RNF157: variants seen among roughly 807,000 people sequenced by gnomAD.
RNF157 encodes E3 ubiquitin ligase RNF157.
RNF157 carries 55 observed loss-of-function variants against 88.3 expected under a neutral mutation model. That is an observed-to-expected ratio of 0.62 (90% CI 0.50 to 0.78). The LOEUF is 0.78. Ranked by LOEUF, RNF157 falls within the 30% of genes least tolerant of loss-of-function variation. The probability of loss-of-function intolerance (pLI) is 0.00; values close to 1 mark genes in which losing one functional copy is unlikely to be tolerated. For synonymous variants in RNF157, 334 were observed against 341.2 expected, an observed-to-expected ratio of 0.98 and a Z score of 0.23; for missense variants, 788 against 860.8, an observed-to-expected ratio of 0.92 and a Z score of 1.06.
At chr17:76,196,144 C>T (rs2069474364) in intron 2 of RNF157, among the ~76,000 whole-genome samples, 1 of 152,226 alleles carries the variant, frequency 6.6e-6, no homozygotes, top group South Asian at 2.1e-4. Flanking sequence ...AACACTGCCG[C>T]CTCAATAAAG....
At chr17:76,154,376 T>A in intron 16 of RNF157, 48 bp from the exon 17 acceptor site, 3 of 1,270,224 alleles carry the variant, frequency 2.4e-6, no homozygotes, top group Non-Finnish European at 3.5e-6. Flanking sequence ...GCAAAATGAG[T>A]AAACTGATTG....
intron 1 of RNF157, among the ~76,000 whole-genome samples, chr17:76,217,186 T>C (rs890071871): frequency 6.6e-6 from 1 of 152,130 alleles, no homozygotes; most frequent in Admixed American, 6.5e-5. Context: ...TGTTTTTGTT[T>C]TTCTGTAGAG....
intron 13 of RNF157, 162 bp from the exon 14 acceptor site, chr17:76,156,483 A>G: frequency 7.0e-7 from 1 of 1,428,420 alleles, no homozygotes; most frequent in Non-Finnish European, 9.1e-7. Context: ...TTCCGTCCTC[A>G]CTTCAGCCCA....
At chr17:76,213,224 A>C (rs2069831564) in intron 1 of RNF157, among the ~76,000 whole-genome samples, 1 of 152,146 alleles carries the variant, frequency 6.6e-6, no homozygotes, top group South Asian at 2.1e-4. Flanking sequence ...TGATATTGTA[A>C]AATATATGTT....
At chr17:76,215,005 TC>T (rs1265615749) in intron 1 of RNF157, among the ~76,000 whole-genome samples, 2 of 152,118 alleles carry the variant, frequency 1.3e-5, no homozygotes, top group African/African-American at 4.8e-5. Flanking sequence ...AAAGGACACA[TC>T]CCATAATATA....
At position 76,145,357 on chromosome 17, in the gene RNF157, G is replaced by A. The variant is rs753581285; in HGVS notation, c.1922-4C>T. On this transcript the variant is annotated splice_polypyrimidine_tract_variant and splice_region_variant and intron_variant, in intron 18 of 18. Transcript: ENST00000269391. ...TTGTCATCAGCCTGCCAGGCACCTG[G>A]GGAAGAGAAAATGAACATTACAGGA... is the stretch of plus-strand genomic sequence containing the variant. 6.2e-7 allele frequency: 1 copy of A among 1,609,336 alleles called. No individual in the cohort carries two copies. Among genetic ancestry groups the A allele is most frequent in the East Asian group, 2.2e-5 (1 of 44,840 alleles).
At chr17:76,203,738 C>T (rs994544480) in intron 2 of RNF157, among the ~76,000 whole-genome samples, 4 of 150,820 alleles carry the variant, frequency 2.7e-5, no homozygotes, top group Admixed American at 2.0e-4. Flanking sequence ...AAGCATGACC[C>T]ACCACGCCTG....
chr17:76,189,817 T>C (rs546219057), intron 2 of RNF157, among the ~76,000 whole-genome samples: 97 of 142,416 alleles, frequency 6.8e-4, no homozygotes, highest in African/African-American at 2.6e-3. Context: ...TCTGGGTTTG[T>C]TGGGAGGAGA....
In RNF157 at chr17:76,167,048, G is replaced by GGGCA; in HGVS notation, c.518_521dup (p.Ser175AlafsTer18). On this transcript the variant is annotated frameshift_variant, in exon 5 of 19. Transcript: ENST00000269391. LOFTEE classifies it high-confidence loss of function. ...ACTCGGAGGGATCCACGGTGTGGGA[G>GGGCA]GGCAGGCAGAACTGCTGACACACTC... is the stretch of plus-strand genomic sequence containing the variant. 1 of 1,612,406 alleles carries GGGCA rather than the reference G, an allele frequency of 6.2e-7. No individual in the cohort carries two copies. The highest frequency in any genetic ancestry group is 8.5e-7 in the Non-Finnish European group (1 of 1,179,836).
At chr17:76,200,221 G>A (rs1055685480) in intron 2 of RNF157, among the ~76,000 whole-genome samples, 4 of 150,814 alleles carry the variant, frequency 2.7e-5, no homozygotes, top group African/African-American at 9.8e-5. Flanking sequence ...CAGCCTGGGC[G>A]ACAGAGCGGG....
intron 2 of RNF157, among the ~76,000 whole-genome samples, chr17:76,190,173 T>TC (rs1340664645): frequency 6.6e-6 from 1 of 150,602 alleles, no homozygotes; most frequent in African/African-American, 2.4e-5. Context: ...GCTCTCTCTT[T>TC]TTTTTTTTTT....
At chr17:76,208,697 C>T (rs552684863) in intron 2 of RNF157, among the ~76,000 whole-genome samples, 2 of 152,226 alleles carry the variant, frequency 1.3e-5, no homozygotes, top group Admixed American at 6.5e-5. Context: ...CATTTGCCAG[C>T]GCGGTGGCTC....
intron 18 of RNF157, chr17:76,147,362 A>G: frequency 1.0e-6 from 1 of 986,804 alleles, no homozygotes; most frequent in Non-Finnish European, 1.2e-6. Context: ...GAAGACACAC[A>G]TGCATGCACA....
At chr17:76,184,486 G>A (rs967527048) in intron 2 of RNF157, among the ~76,000 whole-genome samples, 1 of 152,122 alleles carries the variant, frequency 6.6e-6, no homozygotes, top group African/African-American at 2.4e-5. Context: ...ATCAGTGTTG[G>A]GGAGAGCAGC....
Position 76,161,268 on chromosome 17 carries a change from C to G in RNF157, c.1065+267G>C, listed in dbSNP as rs2068840495. 6.6e-6 allele frequency among the ~76,000 whole-genome samples: 1 copy of G among 152,066 alleles called. No homozygotes were observed. Among genetic ancestry groups the G allele is most frequent in the African/African-American group, 2.4e-5 (1 of 41,408 alleles). ...CTGGGGGAGTTCAAGTTGAACCTCA[C>G]TGGAGTGAAACTGCAAGCAGATGGC... On this transcript the variant is annotated intron_variant, in intron 11 of 18. Coordinates refer to ENST00000269391, the MANE Select transcript of RNF157 (RefSeq NM_052916.3). The surrounding 1 kb of genome is among the most constrained non-coding windows in gnomAD (Gnocchi z 4.6).
At chr17:76,214,519 T>C (rs898211465) in intron 1 of RNF157, among the ~76,000 whole-genome samples, 1 of 152,186 alleles carries the variant, frequency 6.6e-6, no homozygotes, top group East Asian at 1.9e-4. Flanking sequence ...GCAAACATTA[T>C]TGTTTCACAG....
rs1219376413 is a variant in RNF157, at chr17:76,195,118, G to A, written c.207+17246C>T. Among the ~76,000 whole-genome samples the A allele has an allele frequency of 2.0e-5, 3 of 152,166 alleles. No individual in the cohort carries two copies. Among genetic ancestry groups the A allele is most frequent in the Non-Finnish European group, 4.4e-5 (3 of 68,032 alleles). ...CTGACAAGTGGAAAGCGATTCAGGA[G>A]AACAGAAAGGGCCGAAATCCCAAAT... On this transcript the variant is annotated intron_variant, in intron 2 of 18. Coordinates refer to ENST00000269391, the MANE Select transcript of RNF157 (RefSeq NM_052916.3). The surrounding 1 kb of genome is among the most constrained non-coding windows in gnomAD (Gnocchi z 4.4).
At chr17:76,156,416 G>T in intron 13 of RNF157, 95 bp from the exon 14 acceptor site, 1 of 1,561,896 alleles carries the variant, frequency 6.4e-7, no homozygotes, top group South Asian at 1.2e-5. Context: ...GTAGAGATGA[G>T]GAGGAAAGGC....
chr17:76,228,294 A>AC (rs1478307371), intron 1 of RNF157, among the ~76,000 whole-genome samples: 2 of 152,050 alleles, frequency 1.3e-5, no homozygotes, highest in Admixed American at 1.3e-4. Context: ...TCAAGTCCCA[A>AC]CCCCAACCCT....
Sources: gnomAD v4.1 joint callset for allele counts (sites outside exome capture counted in the v4.1 genomes callset) on GRCh38, gnomAD v4.1.1 for gene constraint, Gnocchi (gnomAD v3.1) non-coding constraint, MANE v1.5 for transcripts, NCBI Gene and HGNC (gene_info 2026-07-23, HGNC 2026-07-21) for gene names.